Variants in ZCWPW2 observed in about 807,000 individuals in gnomAD.
ZCWPW2 encodes the protein zinc finger CW-type and PWWP domain containing 2.
A neutral mutation model predicts 46.6 loss-of-function variants in ZCWPW2; 45 were observed. That is an observed-to-expected ratio of 0.96 (90% CI 0.76 to 1.24). ZCWPW2 has a LOEUF of 1.24. Ranked by LOEUF, ZCWPW2 falls within the 50% of genes most tolerant of loss-of-function variation. The probability of loss-of-function intolerance (pLI) is 0.00; values close to 1 mark genes in which losing one functional copy is unlikely to be tolerated. For missense variants in ZCWPW2, 429 were observed against 403.9 expected (o/e 1.06, Z -0.53); for synonymous variants, 152 against 137.1 (o/e 1.11, Z -0.76).
intron 4 of ZCWPW2, among the ~76,000 whole-genome samples, chr3:28,476,431 A>C (rs150446182): frequency 6.6e-6 from 1 of 152,174 alleles, no homozygotes; most frequent in Non-Finnish European, 1.5e-5. Context: ...ACTCCCAGAC[A>C]CAAGTGTTAA....
chr3:28,502,528 G>A (rs1202618548), intron 6 of ZCWPW2, among the ~76,000 whole-genome samples: 1 of 152,150 alleles, frequency 6.6e-6, no homozygotes, highest in South Asian at 2.1e-4. Flanking sequence ...GAGCTGAGAA[G>A]TACAGGGTAA....
At chr3:28,445,526 C>T (rs1697955687) in intron 4 of ZCWPW2, among the ~76,000 whole-genome samples, 1 of 150,996 alleles carries the variant, frequency 6.6e-6, no homozygotes, top group East Asian at 1.9e-4. Context: ...GTGTTAAACA[C>T]AAAGAAAACA....
At chr3:28,522,209 C>T (rs1462666616) in intron 9 of ZCWPW2, among the ~76,000 whole-genome samples, 1 of 152,064 alleles carries the variant, frequency 6.6e-6, no homozygotes, top group Non-Finnish European at 1.5e-5. Flanking sequence ...CACATGTGTA[C>T]ATATGTAACA....
At chr3:28,451,261 C>T (rs1199298994) in intron 4 of ZCWPW2, among the ~76,000 whole-genome samples, 1 of 152,156 alleles carries the variant, frequency 6.6e-6, no homozygotes, top group Non-Finnish European at 1.5e-5. Context: ...TAAAGTCTAA[C>T]AGCCATCCCT....
At chr3:28,385,825 T>G (rs924672200) in intron 1 of ZCWPW2, among the ~76,000 whole-genome samples, 1 of 152,206 alleles carries the variant, frequency 6.6e-6, no homozygotes, top group African/African-American at 2.4e-5. Flanking sequence ...TCTAACAGAT[T>G]TGATTTACTG....
At chr3:28,433,696 C>T (rs544235406) in intron 3 of ZCWPW2, among the ~76,000 whole-genome samples, 15 of 150,150 alleles carry the variant, frequency 1.0e-4, no homozygotes, top group African/African-American at 2.2e-4. Flanking sequence ...ACGGAGGCTG[C>T]GGTGAGCCGA....
At position 28,399,206 on chromosome 3, in the gene ZCWPW2, C is replaced by T. The variant is rs140047532; in HGVS notation, c.-14+8589C>T. 1.2e-3 allele frequency among the ~76,000 whole-genome samples: 181 copies of T among 152,182 alleles called. No individual in the cohort carries two copies. In the South Asian group the frequency reaches 0.012, roughly 10 times the overall value. On this transcript the variant is annotated intron_variant, in intron 2 of 9. Transcript: ENST00000383768. The stretch of plus-strand genomic sequence containing the variant: ...CAACCTGCATGACAGTGTAGACAGC[C>T]GTAATCCCGCTAGGAACATAACTGC...
chr3:28,406,853 G>A (rs1696184565), intron 2 of ZCWPW2, among the ~76,000 whole-genome samples: 1 of 145,776 alleles, frequency 6.9e-6, no homozygotes, highest in African/African-American at 2.5e-5. Flanking sequence ...TGACAGACAA[G>A]GTCTCGGTCT....
chr3:28,414,216 T>C (rs929578247), intron 3 of ZCWPW2, among the ~76,000 whole-genome samples: 1 of 151,666 alleles, frequency 6.6e-6, no homozygotes, highest in Non-Finnish European at 1.5e-5. Flanking sequence ...ATAAATTTAA[T>C]TTTTTTTCTT....
chr3:28,365,372 C>T (rs1356978324), intron 1 of ZCWPW2, among the ~76,000 whole-genome samples: 1 of 141,250 alleles, frequency 7.1e-6, no homozygotes, highest in African/African-American at 2.5e-5. Flanking sequence ...TATGGCTAGC[C>T]AGTTTTCCCA....
chr3:28,492,098 T>G, intron 5 of ZCWPW2, 29 bp from the exon 6 acceptor site: 1 of 1,605,740 alleles, frequency 6.2e-7, no homozygotes, highest in Non-Finnish European at 8.5e-7. Context: ...GGCACTTTTT[T>G]GAAGCAGCCA....
chr3:28,384,254 A>C (rs1253609156), intron 1 of ZCWPW2, among the ~76,000 whole-genome samples: 2 of 152,164 alleles, frequency 1.3e-5, no homozygotes, highest in Non-Finnish European at 2.9e-5. Context: ...GTATTTATAC[A>C]CTTTGTATTA....
At chr3:28,515,729 G>GTCCACAGAATGTAGTTGTAGTCCTT in intron 8 of ZCWPW2, 108 bp downstream of exon 8, 1 of 788,688 alleles carries the variant, frequency 1.3e-6, no homozygotes, top group African/African-American at 1.8e-5. Flanking sequence ...GTGTGTGTGT[G>GTCCACAGAATGTAGTTGTAGTCCTT]TGTGTGTGTG....
intron 2 of ZCWPW2, among the ~76,000 whole-genome samples, chr3:28,395,253 C>A (rs1232534278): frequency 6.6e-6 from 1 of 151,938 alleles, no homozygotes; most frequent in Non-Finnish European, 1.5e-5. Context: ...TCAAAAAAAG[C>A]AGAATGTGTT....
intron 8 of ZCWPW2, 43 bp downstream of exon 8, chr3:28,515,664 A>G (rs781022780): frequency 2.0e-6 from 3 of 1,530,370 alleles, no homozygotes; most frequent in African/African-American, 3.3e-5. Context: ...TAACCTATAT[A>G]TAATTCCACA....
In ZCWPW2 at chr3:28,374,481, G is replaced by A. The variant is rs559365075; in HGVS notation, c.-133-16017G>A. Among the ~76,000 whole-genome samples, 33 of 152,160 alleles carry A rather than the reference G, an allele frequency of 2.2e-4. 1 individual carries two copies. The highest frequency in any genetic ancestry group is 7.5e-4 in the African/African-American group (31 of 41,554). On this transcript the variant is annotated intron_variant, in intron 1 of 9. Coordinates refer to ENST00000383768, the MANE Select transcript of ZCWPW2 (RefSeq NM_001040432.4). ...GGCTCTATTTTGGTTCCATATAAAT[G>A]TTAGGTTTACTTTTTCTATTTCTAT...
chr3:28,523,782 T>A (rs551779528), intron 9 of ZCWPW2, among the ~76,000 whole-genome samples: 1 of 152,252 alleles, frequency 6.6e-6, no homozygotes, highest in African/African-American at 2.4e-5. Context: ...AGAGTCACCT[T>A]CCTAATTATG....
chr3:28,390,692 G>A (rs1452968088), intron 2 of ZCWPW2, 75 bp downstream of exon 2: 9 of 949,056 alleles, frequency 9.5e-6, no homozygotes, highest in Non-Finnish European at 1.1e-5. Context: ...GTTCTCTATT[G>A]CATATATGCA....
intron 3 of ZCWPW2, among the ~76,000 whole-genome samples, chr3:28,429,782 G>A (rs1322397608): frequency 2.0e-5 from 3 of 152,150 alleles, no homozygotes; most frequent in Non-Finnish European, 4.4e-5. Context: ...GCTAAAAGGG[G>A]TCAAATGCAG....
Sources: allele counts gnomAD v4.1 joint callset (sites outside exome capture counted in the v4.1 genomes callset), GRCh38; gene constraint gnomAD v4.1.1; transcripts MANE v1.5; gene names NCBI Gene and HGNC (gene_info 2026-07-23, HGNC 2026-07-21).